The following STPG2 variants were observed in gnomAD, a reference collection of about 807,000 sequenced individuals.
STPG2 encodes sperm tail PG-rich repeat containing 2.
STPG2 carries 56 observed loss-of-function variants against 54.2 expected under a neutral mutation model. That is an observed-to-expected ratio of 1.03 (90% CI 0.83 to 1.29). The LOEUF (loss-of-function observed/expected upper bound fraction) is 1.29, where lower values mean the gene tolerates loss of function less well. STPG2 is among the 50% of genes most tolerant of loss of function. STPG2 has a pLI of 0.00. For synonymous variants in STPG2, 200 were observed against 181.8 expected (o/e 1.10, Z -0.81); for missense variants, 596 against 544.9 (o/e 1.09, Z -0.93).
At position 98,023,421 on chromosome 4, in the gene STPG2, G is replaced by T. The variant is rs56407150; in HGVS notation, c.613-42103C>A. Reference sequence around the variant, plus strand: ...TTTTGTCTCAGAGGAGTACTTGGCCGTGTGAGGTGTCAATCTGCCCCTACT... The same window carrying T: ...TTTTGTCTCAGAGGAGTACTTGGCCTTGTGAGGTGTCAATCTGCCCCTACT... On this transcript the variant is annotated intron_variant, in intron 5 of 10. Coordinates refer to ENST00000295268, the MANE Select transcript of STPG2 (RefSeq NM_174952.3). 7.2e-3 allele frequency among the ~76,000 whole-genome samples: 1,090 copies of T among 152,314 alleles called. 11 individuals are homozygous for T. The highest frequency in any genetic ancestry group is 0.024 in the African/African-American group (991 of 41,564).
intron 4 of STPG2, chr4:97,490,131 T>A (rs1343318410): frequency 6.6e-6 from 1 of 151,420 alleles, no homozygotes; most frequent in African/African-American, 2.4e-5. Flanking sequence ...ACCTAGTAAT[T>A]TTTTAAAAAA....
At chr4:98,025,959 A>G in intron 5 of STPG2, 1 of 1,271,406 alleles carries the variant, frequency 7.9e-7, no homozygotes, top group Non-Finnish European at 1.1e-6. Flanking sequence ...GAATTTATGT[A>G]GAACTACACA....
chr4:97,530,460 T>C (rs1731389694), intron 4 of STPG2, among the ~76,000 whole-genome samples: 1 of 152,110 alleles, frequency 6.6e-6, no homozygotes, highest in African/African-American at 2.4e-5. Context: ...ATTCTAAACA[T>C]TTTAAATCTT....
intron 9 of STPG2, among the ~76,000 whole-genome samples, chr4:97,809,352 C>G (rs145454492): frequency 6.6e-6 from 1 of 152,130 alleles, no homozygotes; most frequent in Non-Finnish European, 1.5e-5. Flanking sequence ...AGAAACCCCC[C>G]CAAGATTCCC....
At chr4:98,040,149 T>C (rs1334289397) in intron 5 of STPG2, among the ~76,000 whole-genome samples, 3 of 151,964 alleles carry the variant, frequency 2.0e-5, no homozygotes, top group Non-Finnish European at 4.4e-5. Flanking sequence ...TTTATGCCCT[T>C]TGCCCACTCT....
chr4:97,877,379 A>G (rs1730216194), intron 8 of STPG2, among the ~76,000 whole-genome samples: 1 of 152,138 alleles, frequency 6.6e-6, no homozygotes, highest in South Asian at 2.1e-4. Context: ...AAGACACATA[A>G]ATAATGTATT....
intron 8 of STPG2, among the ~76,000 whole-genome samples, chr4:97,920,283 A>G (rs1191201638): frequency 6.6e-6 from 1 of 152,084 alleles, no homozygotes; most frequent in Non-Finnish European, 1.5e-5. Context: ...CTTGTCACAC[A>G]CTCACAAAAT....
intron 10 of STPG2, among the ~76,000 whole-genome samples, chr4:97,638,025 C>G (rs374155385): frequency 3.3e-5 from 5 of 151,700 alleles, no homozygotes; most frequent in African/African-American, 1.2e-4. Flanking sequence ...AAAAAGAGCC[C>G]GCATCGCCAA....
At chr4:97,887,499 A>T (rs1488637262) in intron 8 of STPG2, among the ~76,000 whole-genome samples, 1 of 152,192 alleles carries the variant, frequency 6.6e-6, no homozygotes, top group Non-Finnish European at 1.5e-5. Flanking sequence ...GATTTAGGGT[A>T]TCTAACAGAA....
intron 10 of STPG2, among the ~76,000 whole-genome samples, chr4:97,697,027 G>C (rs1219135465): frequency 6.6e-6 from 1 of 152,162 alleles, no homozygotes; most frequent in East Asian, 1.9e-4. Context: ...AATCATTATT[G>C]ATTGGTCCCC....
chr4:97,540,614 C>CTCA (rs1411685250), intron 4 of STPG2, among the ~76,000 whole-genome samples: 145 of 144,986 alleles, frequency 1.0e-3, no homozygotes, highest in Non-Finnish European at 1.7e-3. Context: ...AATCCTCCCT[C>CTCA]TTTTATGAGG....
chr4:97,935,574 C>T (rs1228196216), intron 8 of STPG2, among the ~76,000 whole-genome samples: 3 of 152,118 alleles, frequency 2.0e-5, no homozygotes, highest in Non-Finnish European at 2.9e-5. Flanking sequence ...GCTTCTTGTA[C>T]ATTGTCTCTT....
chr4:97,886,926 T>C (rs191442136), intron 8 of STPG2, among the ~76,000 whole-genome samples: 20 of 152,310 alleles, frequency 1.3e-4, no homozygotes, highest in Admixed American at 2.6e-4. Context: ...GCAGCACCTT[T>C]CTGTTCTCTC....
intron 8 of STPG2, among the ~76,000 whole-genome samples, chr4:97,938,103 C>G (rs1285985160): frequency 6.6e-6 from 1 of 152,110 alleles, no homozygotes. Context: ...GGAGTTCCTG[C>G]AGGGAGGCCT....
intron 8 of STPG2, among the ~76,000 whole-genome samples, chr4:97,931,167 C>A (rs907681533): frequency 6.6e-6 from 1 of 152,128 alleles, no homozygotes; most frequent in Non-Finnish European, 1.5e-5. Context: ...TATTTGGATG[C>A]CTTTTATTTT....
chr4:97,629,566 A>G (rs1287959477), intron 10 of STPG2, among the ~76,000 whole-genome samples: 1 of 152,042 alleles, frequency 6.6e-6, no homozygotes, highest in Non-Finnish European at 1.5e-5. Flanking sequence ...AACAAAAAAA[A>G]TTATAAGAAT....
chr4:97,679,749 T>C (rs1311327917), intron 10 of STPG2, among the ~76,000 whole-genome samples: 1 of 152,252 alleles, frequency 6.6e-6, no homozygotes, highest in Non-Finnish European at 1.5e-5. Flanking sequence ...CTAGGGTTTT[T>C]ATGGTTTTAG....
Position 97,539,219 on chromosome 4 carries a change from A to T in STPG2, c.462+173480T>A, listed in dbSNP as rs542983775. Among the ~76,000 whole-genome samples, 900 of 152,332 alleles carry T rather than the reference A, an allele frequency of 5.9e-3. 5 individuals carry two copies. Among genetic ancestry groups the T allele is most frequent in the Non-Finnish European group, 9.2e-3 (625 of 68,030 alleles). Reference sequence around the variant, plus strand: ...ATTAACCTTAAATGTAAATGGACTAAATGCTCCAATTAAAAGACACAGACT... The same window carrying T: ...ATTAACCTTAAATGTAAATGGACTATATGCTCCAATTAAAAGACACAGACT... On this transcript the variant is annotated intron_variant, in intron 4 of 4. Coordinates refer to the STPG2 transcript ENST00000522676.
intron 9 of STPG2, among the ~76,000 whole-genome samples, chr4:97,777,682 C>T (rs1419708200): frequency 6.6e-6 from 1 of 152,142 alleles, no homozygotes; most frequent in Admixed American, 6.5e-5. Context: ...TAAATCCCTA[C>T]CGTTCTGTTG....
Sources: allele counts gnomAD v4.1 joint callset (sites outside exome capture counted in the v4.1 genomes callset), GRCh38; gene constraint gnomAD v4.1.1; transcripts MANE v1.5; gene names NCBI Gene and HGNC (gene_info 2026-07-23, HGNC 2026-07-21).